The following XRCC1 variants were observed in gnomAD, a reference collection of about 807,000 sequenced individuals.
XRCC1 encodes the protein DNA repair protein XRCC1.
A neutral mutation model predicts 83.3 loss-of-function variants in XRCC1; 52 were observed. The ratio of observed to expected loss-of-function variants is 0.62; its 90% CI spans 0.50 to 0.79. The LOEUF (loss-of-function observed/expected upper bound fraction) is 0.79. Among genes scored for constraint, XRCC1 ranks in the 30% least tolerant of loss-of-function variants. The pLI is 0.00. For synonymous variants in XRCC1, 281 were observed against 312.6 expected (o/e 0.90, Z 1.07); for missense variants, 793 against 823.5 (o/e 0.96, Z 0.45).
intron 10 of XRCC1, among the ~76,000 whole-genome samples, chr19:43,550,565 A>G (rs1972564795): frequency 6.6e-6 from 1 of 152,162 alleles, no homozygotes; most frequent in Non-Finnish European, 1.5e-5. Flanking sequence ...CACTCAGGCC[A>G]TGGAGTACAA....
intron 3 of XRCC1, among the ~76,000 whole-genome samples, chr19:43,560,218 G>A (rs1211822994): frequency 4.6e-5 from 7 of 150,894 alleles, no homozygotes; most frequent in Admixed American, 2.0e-4. Context: ...GTGAAACCCC[G>A]TCTCTACTAA....
At chr19:43,553,577 G>A (rs1490276599) in intron 5 of XRCC1, 32 bp downstream of exon 5, 22 of 1,612,764 alleles carry the variant, frequency 1.4e-5, no homozygotes, top group Non-Finnish European at 1.7e-5. Context: ...GAGGCAGGGA[G>A]AAGGCCATGG....
At chr19:43,573,301 A>C (rs1053598372) in intron 2 of XRCC1, among the ~76,000 whole-genome samples, 6 of 152,124 alleles carry the variant, frequency 3.9e-5, no homozygotes, top group African/African-American at 1.4e-4. Context: ...GAGATTCCAC[A>C]GTTTTCTGGG....
At chr19:43,548,226 G>A (rs1972537598) in intron 10 of XRCC1, among the ~76,000 whole-genome samples, 1 of 152,198 alleles carries the variant, frequency 6.6e-6, no homozygotes, top group East Asian at 1.9e-4. Context: ...CGCCCCTTCT[G>A]GGAAGTGAGG....
chr19:43,543,465 CG>C lies in XRCC1; in HGVS notation c.1828del (p.Arg610AspfsTer45), dbSNP rs760786423. The C allele has an allele frequency of 3.1e-6, 5 of 1,613,494 alleles. No individual in the cohort carries two copies. The highest frequency in any genetic ancestry group is 4.2e-6 in the Non-Finnish European group (5 of 1,179,948). On this transcript the variant is annotated frameshift_variant, in exon 17 of 17. Coordinates refer to ENST00000262887, the MANE Select transcript of XRCC1 (RefSeq NM_006297.3). LOFTEE classifies it high-confidence loss of function. ...CTTCTCATTGCAACTGTAGATCCATCGGGGACGAACGAATGCCAGGGAGGGG... is the reference window on the plus strand; with the variant it reads ...CTTCTCATTGCAACTGTAGATCCATCGGGACGAACGAATGCCAGGGAGGGG... ...DNPSLAFVRPRWIYSCNEKQK... is the reference protein window; with the variant it reads ...DNPSLAFVRPXWIYSCNEKQK...
At chr19:43,563,491 T>A (rs1358091386) in intron 2 of XRCC1, among the ~76,000 whole-genome samples, 1 of 152,058 alleles carries the variant, frequency 6.6e-6, no homozygotes, top group African/African-American at 2.4e-5. Context: ...AGACTCTGTC[T>A]CAAAAACAAC....
At chr19:43,556,822 T>C (rs1972641103) in intron 3 of XRCC1, among the ~76,000 whole-genome samples, 1 of 151,730 alleles carries the variant, frequency 6.6e-6, no homozygotes. Context: ...CTAGCCAACA[T>C]GGTGAAACAC....
intron 14 of XRCC1, among the ~76,000 whole-genome samples, chr19:43,545,240 TC>T (rs1972496683): frequency 6.6e-6 from 1 of 152,122 alleles, no homozygotes; most frequent in Non-Finnish European, 1.5e-5. Flanking sequence ...TTTCCTCTGC[TC>T]CCTTCATTCT....
At chr19:43,545,453 C>T (rs1247395994) in intron 14 of XRCC1, among the ~76,000 whole-genome samples, 2 of 152,242 alleles carry the variant, frequency 1.3e-5, no homozygotes, top group African/African-American at 4.8e-5. Flanking sequence ...GCCCCTGTCA[C>T]CTGGTGTGCC....
In XRCC1 at chr19:43,574,954, GC is replaced by G. The variant is rs1440918089; in HGVS notation, c.99del (p.Trp33CysfsTer112). The G allele has an allele frequency of 5.0e-6, 8 of 1,614,034 alleles. No individual in the cohort carries two copies. Among genetic ancestry groups the G allele is most frequent in the Non-Finnish European group, 6.8e-6 (8 of 1,180,016 alleles). ...NLLKADTYRK[W>X]RAAKAGEKTI... ...GTCTTCTCGCCTGCCTTGGCTGCCCGCCATTTTCGGTAAGTGTCTGCCTTGA... is the reference window on the plus strand; with the variant it reads ...GTCTTCTCGCCTGCCTTGGCTGCCCGCATTTTCGGTAAGTGTCTGCCTTGA... On this transcript the variant is annotated frameshift_variant, in exon 2 of 17. Coordinates refer to ENST00000262887, the MANE Select transcript of XRCC1 (RefSeq NM_006297.3). LOFTEE classifies it high-confidence loss of function.
At chr19:43,556,204 G>A (rs1232889098) in intron 3 of XRCC1, among the ~76,000 whole-genome samples, 3 of 152,124 alleles carry the variant, frequency 2.0e-5, no homozygotes, top group Non-Finnish European at 4.4e-5. Context: ...TGATCTTTAA[G>A]GGTTATGCAC....
intron 2 of XRCC1, among the ~76,000 whole-genome samples, chr19:43,573,355 G>A (rs3213255): frequency 0.61 from 91,993 of 151,968 alleles, 28,191 homozygotes; most frequent in East Asian, 0.88. Flanking sequence ...TATTATGGGA[G>A]CACAAAAGCC....
At chr19:43,563,759 A>G (rs1241495025) in intron 2 of XRCC1, among the ~76,000 whole-genome samples, 2 of 151,748 alleles carry the variant, frequency 1.3e-5, no homozygotes, top group Non-Finnish European at 2.9e-5. Context: ...TAAGTAACCT[A>G]CCTCGCCCCC....
rs1433528070 is a variant in XRCC1 at position 43,545,929 on chromosome 19, G to A, written c.1510C>T (p.Pro504Ser). ...RVAEQKEHRLPPGQEENGEDP... is the reference protein window; with the variant it reads ...RVAEQKEHRLSPGQEENGEDP... ...TCCCCATTCTCCTCCTGGCCAGGGG[G>A]CAGTCTGTGTTCCTTCTGCTCTGCC... Residue 504 changes from proline to serine, a missense_variant, in exon 14 of 17, where the codon CCC (proline) becomes TCC (serine). By Grantham distance (74) the Pro-to-Ser change is moderately conservative. Coordinates refer to ENST00000262887, the MANE Select transcript of XRCC1 (RefSeq NM_006297.3). 5.6e-6 allele frequency: 9 copies of A among 1,613,822 alleles called. No homozygotes were observed. The highest frequency in any genetic ancestry group is 2.7e-5 in the African/African-American group (2 of 74,864).
chr19:43,562,619 C>G (rs745709825), intron 2 of XRCC1, among the ~76,000 whole-genome samples: 7 of 152,118 alleles, frequency 4.6e-5, no homozygotes, highest in Non-Finnish European at 8.8e-5. Flanking sequence ...TGGCACATAC[C>G]TGTGGTCCCA....
Position 43,544,141 on chromosome 19 carries a change from C to G in XRCC1, c.1712+3G>C, listed in dbSNP as rs1293563120. Reference sequence around the variant, plus strand: ...TTCCCCACCCCAGTCCCTGGAGACTCACCCATTGAAGGCTGTGACGTATCG... The same window carrying G: ...TTCCCCACCCCAGTCCCTGGAGACTGACCCATTGAAGGCTGTGACGTATCG... On this transcript the variant is annotated splice_donor_region_variant and intron_variant, in intron 15 of 16. Coordinates refer to ENST00000262887, the MANE Select transcript of XRCC1 (RefSeq NM_006297.3). 2 of 1,604,294 alleles carry G rather than the reference C, an allele frequency of 1.2e-6. No individual in the cohort carries two copies. Among genetic ancestry groups the G allele is most frequent in the Non-Finnish European group, 1.7e-6 (2 of 1,175,126 alleles).
At chr19:43,548,766 C>CAAAAAA (rs60740505) in intron 10 of XRCC1, among the ~76,000 whole-genome samples, 8,828 of 63,682 alleles carry the variant, frequency 0.14, 959 homozygotes, top group Non-Finnish European at 0.17. Flanking sequence ...CAAGAATGAT[C>CAAAAAA]AAAAAAAAAA....
intron 8 of XRCC1, 147 bp from the exon 9 acceptor site, chr19:43,552,422 G>C: frequency 3.1e-6 from 2 of 648,096 alleles, no homozygotes; most frequent in South Asian, 3.8e-5. Flanking sequence ...TCAGACCCAG[G>C]GGTCCAGGCC....
chr19:43,546,814 T>C (rs25484), intron 11 of XRCC1, 70 bp downstream of exon 11: 276,753 of 1,596,984 alleles, frequency 0.17, 25,306 homozygotes, highest in Non-Finnish European at 0.19. Context: ...AGTGGGAAGT[T>C]TGGGGTGCCA....
Sources: allele counts gnomAD v4.1 joint callset (sites outside exome capture counted in the v4.1 genomes callset), GRCh38; gene constraint gnomAD v4.1.1; transcripts MANE v1.5; gene names NCBI Gene and HGNC (gene_info 2026-07-23, HGNC 2026-07-21).